Variants in SNRPN observed in about 807,000 individuals in gnomAD.
SNRPN encodes the protein small nuclear ribonucleoprotein polypeptide N.
In SNRPN, 7 loss-of-function variants were observed where a neutral mutation model predicts 25.2. That is an observed-to-expected ratio of 0.28 (90% CI 0.16 to 0.52). The LOEUF is 0.52. SNRPN is among the 20% of genes least tolerant of loss of function. SNRPN has a pLI of 0.96. For missense variants in SNRPN, 196 were observed against 322.5 expected (o/e 0.61, Z 3.00); for synonymous variants, 124 against 110.6 (o/e 1.12, Z -0.76).
intron 3 of SNRPN, among the ~76,000 whole-genome samples, chr15:24,941,019 C>T (rs1248517690): frequency 1.3e-5 from 2 of 152,152 alleles, no homozygotes; most frequent in African/African-American, 4.8e-5. Flanking sequence ...TCTCACAGCC[C>T]AGGCTGGAGT....
chr15:24,904,780 A>G (rs1486326824), intron 2 of SNRPN, among the ~76,000 whole-genome samples: 1 of 152,020 alleles, frequency 6.6e-6, no homozygotes, highest in Non-Finnish European at 1.5e-5. Context: ...CCTTGCCAAC[A>G]TGGTGAAACC....
At position 24,976,344 on chromosome 15, in the gene SNRPN, G is replaced by T; in HGVS notation, c.195G>T (p.Arg65=). ...AGCAACCAGAGCGTGAAGAAAAGCG[G>T]GTTTTGGGTCTGGTGTTGCTGCGTG... ...NAKQPEREEK[R]VLGLVLLRGE... is the part of the protein sequence containing the mutation. The change falls in exon 6 of 10, where the codon CGG becomes CGT. Residue 65 remains arginine (R), a synonymous_variant. Transcript: ENST00000390687. The T allele has an allele frequency of 6.2e-7, 1 of 1,613,510 alleles. No homozygotes were observed. Among genetic ancestry groups the T allele is most frequent in the Non-Finnish European group, 8.5e-7 (1 of 1,179,916 alleles).
chr15:24,838,397 G>A (rs1401819987), intron 2 of SNRPN, among the ~76,000 whole-genome samples: 1 of 152,068 alleles, frequency 6.6e-6, no homozygotes, highest in East Asian at 1.9e-4. Context: ...CCAGTACACA[G>A]TTTATAGAGT....
At chr15:24,884,692 T>C (rs1332857895) in intron 1 of SNRPN, among the ~76,000 whole-genome samples, 1 of 152,200 alleles carries the variant, frequency 6.6e-6, no homozygotes, top group Non-Finnish European at 1.5e-5. Flanking sequence ...ACTTTCCATT[T>C]ACTATTATAC....
chr15:24,908,052 C>CAAAAAAAA (rs71127014), intron 2 of SNRPN, among the ~76,000 whole-genome samples: 9 of 70,712 alleles, frequency 1.3e-4, no homozygotes, highest in East Asian at 4.1e-4. Flanking sequence ...GACTCCATCT[C>CAAAAAAAA]AAAAAAAAAA....
chr15:24,830,750 A>C (rs916213724), intron 2 of SNRPN, among the ~76,000 whole-genome samples: 2 of 152,106 alleles, frequency 1.3e-5, no homozygotes, highest in African/African-American at 2.4e-5. Context: ...GTTTTTAAAA[A>C]TTGATTTCTA....
At chr15:24,963,679 A>T (rs892757263) in intron 2 of SNRPN, among the ~76,000 whole-genome samples, 1 of 151,890 alleles carries the variant, frequency 6.6e-6, no homozygotes, top group Non-Finnish European at 1.5e-5. Context: ...TTCAAATTAA[A>T]GGTTTTTCCT....
intron 3 of SNRPN, among the ~76,000 whole-genome samples, chr15:24,946,431 G>A (rs1036992960): frequency 1.3e-5 from 2 of 152,102 alleles, no homozygotes; most frequent in African/African-American, 4.8e-5. Context: ...AGAAAAGATG[G>A]AAATGAAATA....
intron 3 of SNRPN, chr15:24,968,970 A>G (rs185497695): frequency 6.6e-6 from 1 of 151,398 alleles, no homozygotes; most frequent in Non-Finnish European, 1.5e-5. Flanking sequence ...GAATGCCCTC[A>G]TTTCTGAGAG....
chr15:24,830,899 C>G (rs2050459957), intron 2 of SNRPN, among the ~76,000 whole-genome samples: 1 of 151,808 alleles, frequency 6.6e-6, no homozygotes, highest in African/African-American at 2.4e-5. Flanking sequence ...TGTATTCTGC[C>G]CGTTGTTGGA....
At chr15:24,895,542 T>C (rs903174401) in intron 2 of SNRPN, among the ~76,000 whole-genome samples, 3 of 152,018 alleles carry the variant, frequency 2.0e-5, no homozygotes, top group Non-Finnish European at 4.4e-5. Context: ...ATCACATATC[T>C]GGTCAAGCTG....
chr15:24,974,219 C>T (rs767470957), intron 3 of SNRPN, 92 bp from the exon 4 acceptor site: 7 of 544,112 alleles, frequency 1.3e-5, no homozygotes, highest in African/African-American at 7.7e-5. Context: ...TGTTTTTGAA[C>T]GTGTCTGTCA....
At chr15:24,935,594 G>A (rs994648930) in intron 3 of SNRPN, among the ~76,000 whole-genome samples, 3 of 152,292 alleles carry the variant, frequency 2.0e-5, no homozygotes, top group Middle Eastern at 6.8e-3. Context: ...AAGGAGTCCT[G>A]CCCACGCCAA....
At chr15:24,856,437 C>T (rs979347006), upstream of SNRPN, 1 of 152,268 alleles carries the variant, frequency 6.6e-6, no homozygotes, top group African/African-American at 2.4e-5. Flanking sequence ...CCAGCAACCA[C>T]CAGAGGTGGC....
chr15:24,835,363 T>A (rs1295473489), intron 2 of SNRPN, among the ~76,000 whole-genome samples: 1 of 151,832 alleles, frequency 6.6e-6, no homozygotes, highest in Non-Finnish European at 1.5e-5. Flanking sequence ...GTTCAAACTT[T>A]AATCAAATGC....
chr15:24,904,097 C>T (rs887255596), intron 2 of SNRPN, among the ~76,000 whole-genome samples: 4 of 150,360 alleles, frequency 2.7e-5, no homozygotes, highest in African/African-American at 4.9e-5. Context: ...AACATAGAAA[C>T]GACTAAGTTC....
At chr15:24,883,960 C>G (rs897753055) in intron 1 of SNRPN, among the ~76,000 whole-genome samples, 3 of 141,906 alleles carry the variant, frequency 2.1e-5, no homozygotes, top group African/African-American at 7.9e-5. Flanking sequence ...GAGCTGAGAT[C>G]GTGTCACTGC....
intron 2 of SNRPN, among the ~76,000 whole-genome samples, chr15:24,834,363 G>T (rs4369637): frequency 2.6e-5 from 4 of 151,850 alleles, no homozygotes; most frequent in African/African-American, 9.7e-5. Flanking sequence ...ATTCTAAGAC[G>T]GCTCAGCATG....
chr15:24,842,626 G>A (rs1043099243), intron 2 of SNRPN, among the ~76,000 whole-genome samples: 1 of 152,134 alleles, frequency 6.6e-6, no homozygotes, highest in Non-Finnish European at 1.5e-5. Flanking sequence ...GGGCAGAGAG[G>A]AACAAACCCC....
Sources: allele counts gnomAD v4.1 joint callset (sites outside exome capture counted in the v4.1 genomes callset), GRCh38; gene constraint gnomAD v4.1.1; transcripts MANE v1.5; gene names NCBI Gene and HGNC (gene_info 2026-07-23, HGNC 2026-07-21).